Variants in JADE3 observed in about 807,000 individuals in gnomAD.
The protein encoded by JADE3 is jade family PHD finger 3.
A neutral mutation model predicts 50.1 loss-of-function variants in JADE3; 2 were observed. The ratio of observed to expected loss-of-function variants is 0.04; its 90% CI spans 0.02 to 0.13. The LOEUF is 0.13. JADE3 is among the 10% of genes least tolerant of loss of function. The pLI is 1.00. For synonymous variants in JADE3, 218 were observed against 232.9 expected (o/e 0.94, Z 0.58); for missense variants, 475 against 634.4 (o/e 0.75, Z 2.70).
intron 6 of JADE3, among the ~76,000 whole-genome samples, chrX:47,029,342 G>A (rs973567440): frequency 8.1e-5 from 9 of 111,559 alleles, no homozygotes; most frequent in Non-Finnish European, 1.7e-4. Flanking sequence ...TTCAGACAGG[G>A]TAGTGAAAGC....
At chrX:46,975,423 A>C (rs1433011861) in intron 1 of JADE3, among the ~76,000 whole-genome samples, 1 of 112,212 alleles carries the variant, frequency 8.9e-6, no homozygotes, top group Non-Finnish European at 1.9e-5. Flanking sequence ...CAGTGCAACT[A>C]ATGTTAGTAA....
At chrX:47,021,411 C>G (rs1928790500) in intron 4 of JADE3, among the ~76,000 whole-genome samples, 1 of 111,038 alleles carries the variant, frequency 9.0e-6, no homozygotes, top group African/African-American at 3.3e-5. Context: ...TGATATGAGC[C>G]TTTTTATTTA....
intron 4 of JADE3, among the ~76,000 whole-genome samples, chrX:47,009,215 G>C (rs894223706): frequency 8.1e-5 from 9 of 110,854 alleles, no homozygotes; most frequent in African/African-American, 2.6e-4. Context: ...GGAGCTGCTC[G>C]GGAGGCCGAG....
chrX:47,029,419 G>T (rs782130317), intron 6 of JADE3, among the ~76,000 whole-genome samples: 4 of 111,683 alleles, frequency 3.6e-5, no homozygotes, highest in Non-Finnish European at 7.5e-5. Flanking sequence ...GAGTAGGGAA[G>T]GCATGGAAAG....
At chrX:47,008,732 T>G (rs1446698518) in intron 4 of JADE3, among the ~76,000 whole-genome samples, 1 of 110,970 alleles carries the variant, frequency 9.0e-6, no homozygotes, top group Non-Finnish European at 1.9e-5. Flanking sequence ...TCTGTAATCT[T>G]TAGTGACAGA....
chrX:47,052,509 G>A (rs904392169), intron 8 of JADE3, among the ~76,000 whole-genome samples: 1 of 106,217 alleles, frequency 9.4e-6, no homozygotes, highest in Non-Finnish European at 1.9e-5. Context: ...TGGCAGGCAC[G>A]TGTAGTCCCA....
intron 1 of JADE3, among the ~76,000 whole-genome samples, chrX:46,948,625 T>C (rs1397775619): frequency 8.9e-6 from 1 of 112,065 alleles, no homozygotes; most frequent in African/African-American, 3.2e-5. Flanking sequence ...CTTAAATATA[T>C]GTACATAGAG....
chrX:47,016,119 C>T (rs1287313850), intron 4 of JADE3, among the ~76,000 whole-genome samples: 2 of 110,283 alleles, frequency 1.8e-5, no homozygotes, highest in Non-Finnish European at 3.8e-5. Context: ...GTGGGGGCAG[C>T]GGGGGTAGGC....
chrX:46,960,244 A>C (rs201489625), intron 1 of JADE3, among the ~76,000 whole-genome samples: 88 of 110,151 alleles, frequency 8.0e-4, no homozygotes, highest in Non-Finnish European at 1.5e-3. Flanking sequence ...TGCAACAAAA[A>C]AAAAAAAAAT....
At chrX:46,955,163 T>C (rs1231635077) in intron 1 of JADE3, among the ~76,000 whole-genome samples, 1 of 112,659 alleles carries the variant, frequency 8.9e-6, no homozygotes, top group Non-Finnish European at 1.9e-5. Context: ...CTCATAGAAG[T>C]GATACTTGTT....
intron 4 of JADE3, among the ~76,000 whole-genome samples, chrX:47,004,944 C>T: frequency 8.9e-6 from 1 of 111,994 alleles, no homozygotes; most frequent in Non-Finnish European, 1.9e-5. Flanking sequence ...AGTAGGTATG[C>T]TTTTCCCTAT....
intron 7 of JADE3, among the ~76,000 whole-genome samples, chrX:47,037,457 TA>T (rs782159647): frequency 8.9e-6 from 1 of 111,807 alleles, no homozygotes; most frequent in South Asian, 3.8e-4. Context: ...TTACTTTCAG[TA>T]GCTTTCTTTG....
rs1373941104 is a variant in JADE3, at chrX:46,953,633, G to C, written c.-11-31251G>C. Among the ~76,000 whole-genome samples, 3 of 111,993 alleles carry C rather than the reference G, an allele frequency of 2.7e-5. No individual in the cohort carries two copies. The Admixed American group carries it at 2.8e-4, about 11-fold the overall frequency. On this transcript the variant is annotated intron_variant, in intron 1 of 10. Transcript: ENST00000614628. ...TTATATCTCTGAAATAATAGTTTCA[G>C]ATATGTAGTGTTTGGTGCAGTTAGG...
intron 4 of JADE3, among the ~76,000 whole-genome samples, chrX:47,003,723 TATA>T (rs1928344280): frequency 1.0e-5 from 1 of 100,455 alleles, no homozygotes; most frequent in African/African-American, 3.6e-5. Flanking sequence ...AATTACAAAT[TATA>T]ATTAAATTTG....
chrX:47,010,258 C>T (rs781839144), intron 4 of JADE3, among the ~76,000 whole-genome samples: 9 of 110,381 alleles, frequency 8.2e-5, no homozygotes, highest in South Asian at 3.9e-4. Context: ...GACGGAGTTT[C>T]GCTCTTGTTG....
intron 9 of JADE3, among the ~76,000 whole-genome samples, chrX:47,055,836 C>T (rs782448818): frequency 2.7e-5 from 3 of 112,125 alleles, no homozygotes; most frequent in Non-Finnish European, 5.6e-5. Context: ...GCCCATGACA[C>T]TGCAAAGAGA....
intron 1 of JADE3, among the ~76,000 whole-genome samples, chrX:46,962,762 C>G (rs782006270): frequency 2.6e-4 from 29 of 111,183 alleles, no homozygotes; most frequent in Non-Finnish European, 4.7e-4. Context: ...AGATTGAACC[C>G]TATGAAATTG....
chrX:46,964,489 C>T (rs1216831733), intron 1 of JADE3, among the ~76,000 whole-genome samples: 1 of 111,902 alleles, frequency 8.9e-6, no homozygotes, highest in African/African-American at 3.2e-5. Context: ...CTGCTAAGCC[C>T]AGCCATCCCA....
At chrX:46,987,426 C>T (rs6611318) in intron 3 of JADE3, among the ~76,000 whole-genome samples, 1 of 111,835 alleles carries the variant, frequency 8.9e-6, no homozygotes, top group African/African-American at 3.2e-5. Context: ...TTGCCATATT[C>T]TGTTGTTTAG....
Sources: allele counts gnomAD v4.1 joint callset (sites outside exome capture counted in the v4.1 genomes callset), GRCh38; gene constraint gnomAD v4.1.1; transcripts MANE v1.5; gene names NCBI Gene and HGNC (gene_info 2026-07-23, HGNC 2026-07-21).